Variants in DPP10 observed in about 807,000 individuals in gnomAD.
DPP10 encodes dipeptidyl peptidase like 10.
DPP10 carries 33 observed loss-of-function variants against 120.9 expected under a neutral mutation model. That is an observed-to-expected ratio of 0.27 (90% CI 0.21 to 0.37). The LOEUF is 0.37. DPP10 is among the 10% of genes least tolerant of loss of function. The pLI, the probability that DPP10 is intolerant of heterozygous loss-of-function variation, is 1.00. For synonymous variants in DPP10, 337 were observed against 326.1 expected, an observed-to-expected ratio of 1.03 and a Z score of -0.36; for missense variants, 816 against 942.8, an observed-to-expected ratio of 0.87 and a Z score of 1.76.
At position 115,608,296 on chromosome 2, in the gene DPP10, G is replaced by A. The variant is rs147259834; in HGVS notation, c.442-81391G>A. Among the ~76,000 whole-genome samples the A allele has an allele frequency of 4.5e-3, 692 of 152,134 alleles. 4 individuals carry two copies. Among genetic ancestry groups the A allele is most frequent in the Non-Finnish European group, 7.9e-3 (539 of 67,980 alleles). ...TCCCAGCTATTCAGGAGGCGGAGGC[G>A]TGAGAATTGCTTGTATCTGGGAAGC... On this transcript the variant is annotated intron_variant, in intron 5 of 25. Coordinates refer to ENST00000410059, the MANE Select transcript of DPP10 (RefSeq NM_020868.6).
chr2:114,615,617 A>C (rs1311534360), intron 1 of DPP10, among the ~76,000 whole-genome samples: 1 of 152,136 alleles, frequency 6.6e-6, no homozygotes, highest in Non-Finnish European at 1.5e-5. Flanking sequence ...AGGAACCAAG[A>C]GTAATGGGTT....
chr2:115,607,343 G>T (rs2083768371), intron 5 of DPP10, among the ~76,000 whole-genome samples: 1 of 152,026 alleles, frequency 6.6e-6, no homozygotes, highest in Non-Finnish European at 1.5e-5. Flanking sequence ...CATAGATAGG[G>T]ATAAAAGCCC....
chr2:115,485,434 T>A (rs2075715813), intron 3 of DPP10, among the ~76,000 whole-genome samples: 1 of 152,124 alleles, frequency 6.6e-6, no homozygotes, highest in African/African-American at 2.4e-5. Context: ...TTCATATATT[T>A]TATATTCGTG....
At chr2:115,677,847 G>T (rs544065260) in intron 5 of DPP10, among the ~76,000 whole-genome samples, 1 of 152,134 alleles carries the variant, frequency 6.6e-6, no homozygotes, top group Non-Finnish European at 1.5e-5. Context: ...CTGACTCTAA[G>T]CATGAAACAT....
intron 3 of DPP10, among the ~76,000 whole-genome samples, chr2:115,379,865 G>C (rs4849395): frequency 0.69 from 105,542 of 152,040 alleles, 37,151 homozygotes; most frequent in Admixed American, 0.77. Context: ...GAGCGGTTTT[G>C]AGTGAGATTC....
chr2:115,512,170 G>A (rs1269956688), intron 4 of DPP10, among the ~76,000 whole-genome samples: 1 of 151,500 alleles, frequency 6.6e-6, no homozygotes, highest in East Asian at 2.0e-4. Flanking sequence ...TTGTGATCAT[G>A]GCTCACTGTA....
chr2:115,146,198 C>T (rs772117109), intron 1 of DPP10, among the ~76,000 whole-genome samples: 5 of 151,978 alleles, frequency 3.3e-5, no homozygotes, highest in South Asian at 2.1e-4. Flanking sequence ...AGTGTGATCC[C>T]GAATCCCATA....
At chr2:115,442,368 T>C (rs1337342270) in intron 3 of DPP10, among the ~76,000 whole-genome samples, 1 of 142,944 alleles carries the variant, frequency 7.0e-6, no homozygotes, top group Non-Finnish European at 1.5e-5. Context: ...TGTGTTTGTG[T>C]GTGTGTGTGT....
chr2:115,603,332 C>G (rs546248809), intron 5 of DPP10, among the ~76,000 whole-genome samples: 1 of 127,944 alleles, frequency 7.8e-6, no homozygotes, highest in Non-Finnish European at 1.6e-5. Flanking sequence ...ACCCACCCCC[C>G]GCCCCGCCAC....
At position 115,321,518 on chromosome 2, in the gene DPP10, T is replaced by TTG. The variant is rs1290147518; in HGVS notation, c.175+12166_175+12167insGT. Among the ~76,000 whole-genome samples the TTG allele has an allele frequency of 4.8e-5, 7 of 145,138 alleles. No homozygotes were observed. In the East Asian group the frequency reaches 1.4e-3, roughly 28 times the overall value. On this transcript the variant is annotated intron_variant, in intron 2 of 25. Transcript: ENST00000410059. ...TCTCAGAATGCATTTTTTTAGTGTT[T>TTG]TTTTTTTTTTTTTGAGTTTGTTGAA...
chr2:114,467,465 A>T (rs1349569642), intron 1 of DPP10, among the ~76,000 whole-genome samples: 2 of 152,186 alleles, frequency 1.3e-5, no homozygotes, highest in Non-Finnish European at 2.9e-5. Context: ...AGTTTGAAGC[A>T]TTGTGTGGAT....
intron 5 of DPP10, among the ~76,000 whole-genome samples, chr2:115,632,529 A>T (rs1368955833): frequency 6.6e-6 from 1 of 152,190 alleles, no homozygotes; most frequent in Non-Finnish European, 1.5e-5. Context: ...CTTACAAGGC[A>T]GGCATGATGG....
intron 1 of DPP10, among the ~76,000 whole-genome samples, chr2:114,713,973 A>T (rs1291957154): frequency 6.6e-6 from 1 of 150,866 alleles, no homozygotes; most frequent in Non-Finnish European, 1.5e-5. Flanking sequence ...CTGCAGAGAG[A>T]ATCCGTCTCA....
At chr2:115,677,425 C>G (rs748492303) in intron 5 of DPP10, among the ~76,000 whole-genome samples, 26 of 152,052 alleles carry the variant, frequency 1.7e-4, no homozygotes, top group Non-Finnish European at 2.9e-4. Context: ...TTTTCCCAGT[C>G]AATAACTGAC....
At chr2:115,539,244 G>A (rs2079043868) in intron 5 of DPP10, among the ~76,000 whole-genome samples, 1 of 151,886 alleles carries the variant, frequency 6.6e-6, no homozygotes, top group Admixed American at 6.6e-5. Flanking sequence ...GGAAAATATG[G>A]GAAGAATAAT....
At chr2:114,992,123 G>A (rs1382089209) in intron 1 of DPP10, among the ~76,000 whole-genome samples, 1 of 152,142 alleles carries the variant, frequency 6.6e-6, no homozygotes, top group Non-Finnish European at 1.5e-5. Context: ...GCATATGCTT[G>A]CAAATAATTC....
intron 1 of DPP10, among the ~76,000 whole-genome samples, chr2:114,618,307 A>G (rs1693828789): frequency 6.6e-6 from 1 of 152,062 alleles, no homozygotes; most frequent in Non-Finnish European, 1.5e-5. Flanking sequence ...AATGTTTCCA[A>G]AGGAAAACAT....
intron 1 of DPP10, among the ~76,000 whole-genome samples, chr2:115,253,805 C>T (rs1012946828): frequency 1.3e-5 from 2 of 152,226 alleles, no homozygotes; most frequent in African/African-American, 2.4e-5. Flanking sequence ...ATGCAAACTG[C>T]TGGTGGATCT....
intron 1 of DPP10, among the ~76,000 whole-genome samples, chr2:115,270,452 G>A (rs529670672): frequency 1.3e-5 from 2 of 152,262 alleles, no homozygotes; most frequent in East Asian, 1.9e-4. Context: ...TTACCCGTTA[G>A]GCTTTCCCAT....
Sources: allele counts gnomAD v4.1 joint callset (sites outside exome capture counted in the v4.1 genomes callset), GRCh38; gene constraint gnomAD v4.1.1; transcripts MANE v1.5; gene names NCBI Gene and HGNC (gene_info 2026-07-23, HGNC 2026-07-21).